Variants in OTOGL observed in about 807,000 individuals in gnomAD.
The protein encoded by OTOGL is otogelin-like protein.
A neutral mutation model predicts 318.5 loss-of-function variants in OTOGL; 285 were observed. The observed-to-expected ratio is 0.89, with a 90% confidence interval of 0.81 to 0.99. The LOEUF (loss-of-function observed/expected upper bound fraction) is 0.99. Ranked by LOEUF, OTOGL falls within the 50% of genes least tolerant of loss-of-function variation. The pLI is 0.00. For missense variants in OTOGL, 2,899 were observed against 2,845.6 expected (o/e 1.02, Z -0.43); for synonymous variants, 987 against 936.5 (o/e 1.05, Z -0.99).
At chr12:80,305,097 A>G (rs1261168219) in intron 28 of OTOGL, among the ~76,000 whole-genome samples, 1 of 152,188 alleles carries the variant, frequency 6.6e-6, no homozygotes, top group African/African-American at 2.4e-5. Flanking sequence ...ACAGGCAGGC[A>G]ATATGATATA....
chr12:80,299,080 A>C (rs1012876346), intron 27 of OTOGL, among the ~76,000 whole-genome samples: 3 of 152,208 alleles, frequency 2.0e-5, no homozygotes, highest in African/African-American at 4.8e-5. Flanking sequence ...GCTGATGCTG[A>C]AAACAAAATT....
chr12:80,288,323 C>G (rs1018528084), intron 26 of OTOGL, among the ~76,000 whole-genome samples: 2 of 151,990 alleles, frequency 1.3e-5, no homozygotes, highest in Admixed American at 6.6e-5. Context: ...CTCTGGCTGC[C>G]CTTAATATTT....
At position 80,210,863 on chromosome 12, in the gene OTOGL, G is replaced by A. The variant is rs1194989802; in HGVS notation, c.96G>A (p.Ser32=). 53 of 1,472,496 alleles carry A rather than the reference G, an allele frequency of 3.6e-5. No homozygotes were observed. Among genetic ancestry groups the A allele is most frequent in the African/African-American group, 1.4e-4 (10 of 70,096 alleles). 91.2% of individuals were successfully genotyped at this position (1,472,496 alleles called of 1,614,324 possible). A position where few individuals can be genotyped will look rare whatever the true frequency, so the allele number is the denominator to read the frequency against. The change falls in exon 3 of 59, where the codon TCG becomes TCA. Residue 32 remains serine (S), a synonymous_variant. Coordinates refer to ENST00000547103, the MANE Select transcript of OTOGL (RefSeq NM_001378609.3). ...LFSLQEYICA[S]SILMGTSKNG... is the part of the protein sequence containing the mutation. ...CTCTGGCAGAATATATTTGTGCATC[G>A]TCTATATTGATGGGAACATCAAAGT...
chr12:80,231,254 A>G (rs1033693175), intron 8 of OTOGL, among the ~76,000 whole-genome samples: 77 of 152,294 alleles, frequency 5.1e-4, no homozygotes, highest in African/African-American at 1.8e-3. Flanking sequence ...GACTTTTACT[A>G]TGAATTCCTC....
intron 32 of OTOGL, among the ~76,000 whole-genome samples, chr12:80,314,675 A>G (rs1886860295): frequency 1.3e-5 from 2 of 152,144 alleles, no homozygotes; most frequent in African/African-American, 4.8e-5. Context: ...ACCATTATTT[A>G]TAAATGTAAA....
chr12:80,281,669 A>T (rs577035314), intron 26 of OTOGL, among the ~76,000 whole-genome samples: 31 of 151,624 alleles, frequency 2.0e-4, no homozygotes, highest in African/African-American at 7.2e-4. Context: ...TTTTCATTGT[A>T]TCTCTGCCAG....
At chr12:80,178,657 T>C (rs1245017) in intron 1 of OTOGL, among the ~76,000 whole-genome samples, 49,130 of 152,022 alleles carry the variant, frequency 0.32, 8,554 homozygotes, top group Middle Eastern at 0.44. Context: ...TTGTCCTCTC[T>C]CAGTTATCAC....
chr12:80,350,986 T>C (rs1049290362), intron 44 of OTOGL, among the ~76,000 whole-genome samples: 6 of 152,176 alleles, frequency 3.9e-5, no homozygotes, highest in Non-Finnish European at 5.9e-5. Flanking sequence ...CTCAAACCAG[T>C]GTCCTAGAGC....
intron 4 of OTOGL, among the ~76,000 whole-genome samples, chr12:80,215,149 G>GA (rs1877591895): frequency 6.6e-6 from 1 of 150,942 alleles, no homozygotes; most frequent in Non-Finnish European, 1.5e-5. Flanking sequence ...ATAAAAACAG[G>GA]TAGCATGTTT....
chr12:80,148,264 C>G (rs573245866), intron 1 of OTOGL, among the ~76,000 whole-genome samples: 11 of 145,868 alleles, frequency 7.5e-5, no homozygotes, highest in African/African-American at 2.8e-4. Flanking sequence ...GACAAAATCT[C>G]TCAGCATTTG....
chr12:80,283,774 T>G (rs1342182733), intron 26 of OTOGL, among the ~76,000 whole-genome samples: 1 of 152,106 alleles, frequency 6.6e-6, no homozygotes, highest in African/African-American at 2.4e-5. Flanking sequence ...TTCTTAAACC[T>G]TAGTGTGCAT....
At chr12:80,295,712 T>G (rs966316687) in intron 26 of OTOGL, among the ~76,000 whole-genome samples, 16 of 152,230 alleles carry the variant, frequency 1.1e-4, no homozygotes, top group Non-Finnish European at 1.6e-4. Flanking sequence ...AGGACCACTT[T>G]GAGAATTTGA....
At chr12:80,368,413 A>G (rs958851724) in intron 55 of OTOGL, 104 bp downstream of exon 55, 8 of 663,628 alleles carry the variant, frequency 1.2e-5, no homozygotes, top group Non-Finnish European at 2.1e-5. Context: ...ACTGCATACA[A>G]TAAACACAGT....
At chr12:80,333,139 C>T in intron 38 of OTOGL, 61 bp downstream of exon 38, 1 of 1,434,834 alleles carries the variant, frequency 7.0e-7, no homozygotes. Flanking sequence ...ATTCAAATTT[C>T]TGTGTCAATA....
Position 80,341,970 on chromosome 12 carries a change from T to G in OTOGL, c.5073T>G (p.Asp1691Glu). 6.2e-7 allele frequency: 1 copy of G among 1,606,548 alleles called. No homozygotes were observed. ...AAGGAATTTGCAATGAAGATCCGGA[T>G]GATGATCTAAGGATGCAAAATGGCA... ...GLCGICNEDP[D>E]DDLRMQNGTI... The change falls in exon 44 of 59, where the codon GAT becomes GAG. Residue 1691 changes from aspartate (D) to glutamate (E), a missense_variant. Asp to Glu is a conservative substitution (Grantham distance 45). Coordinates refer to ENST00000547103, the MANE Select transcript of OTOGL (RefSeq NM_001378609.3).
intron 32 of OTOGL, among the ~76,000 whole-genome samples, chr12:80,315,310 C>T (rs549090929): frequency 6.6e-6 from 1 of 152,242 alleles, no homozygotes; most frequent in Admixed American, 6.5e-5. Context: ...AGGATAAGAA[C>T]TTATTGATAC....
chr12:80,114,635 A>T (rs966568003), intron 1 of OTOGL, among the ~76,000 whole-genome samples: 16 of 151,930 alleles, frequency 1.1e-4, no homozygotes, highest in African/African-American at 3.6e-4. Context: ...TGTTCTCTGT[A>T]TTTCCTGAAT....
At chr12:80,227,306 A>G (rs1878950027) in intron 7 of OTOGL, among the ~76,000 whole-genome samples, 1 of 152,124 alleles carries the variant, frequency 6.6e-6, no homozygotes. Flanking sequence ...GCAACATTTT[A>G]TTCTCAGGTC....
At chr12:80,279,688 T>C (rs1441619456) in intron 26 of OTOGL, among the ~76,000 whole-genome samples, 3 of 151,698 alleles carry the variant, frequency 2.0e-5, no homozygotes, top group Non-Finnish European at 4.4e-5. Context: ...TCCTTTCCAC[T>C]GTTGATGGGC....
Sources: gnomAD v4.1 joint callset for allele counts (sites outside exome capture counted in the v4.1 genomes callset) on GRCh38, gnomAD v4.1.1 for gene constraint, MANE v1.5 for transcripts, NCBI Gene and HGNC (gene_info 2026-07-23, HGNC 2026-07-21) for gene names.